The following RUNX1T1 variants were observed in gnomAD, a reference collection of about 807,000 sequenced individuals.
RUNX1T1 encodes the protein protein CBFA2T1.
In RUNX1T1, 4 loss-of-function variants were observed where a neutral mutation model predicts 62.8. That is an observed-to-expected ratio of 0.06 (90% CI 0.03 to 0.15). RUNX1T1 has a LOEUF of 0.15. Ranked by LOEUF, RUNX1T1 falls within the 10% of genes least tolerant of loss-of-function variation. The pLI is 1.00. For missense variants in RUNX1T1, 508 were observed against 754.3 expected (o/e 0.67, Z 3.82); for synonymous variants, 291 against 286.0 (o/e 1.02, Z -0.18).
intron 1 of RUNX1T1, among the ~76,000 whole-genome samples, chr8:92,058,894 T>C (rs1831457852): frequency 6.6e-6 from 1 of 152,194 alleles, no homozygotes; most frequent in Non-Finnish European, 1.5e-5. Flanking sequence ...AAGCTTAAGA[T>C]GTCATAACCA....
At chr8:92,082,419 C>T (rs1469200557) in intron 1 of RUNX1T1, among the ~76,000 whole-genome samples, 2 of 152,228 alleles carry the variant, frequency 1.3e-5, no homozygotes, top group Middle Eastern at 3.4e-3. Context: ...GTCATGTGCA[C>T]AGGGTCATCT....
chr8:92,074,598 T>C (rs966045544), intron 2 of RUNX1T1, among the ~76,000 whole-genome samples: 1 of 152,184 alleles, frequency 6.6e-6, no homozygotes, highest in African/African-American at 2.4e-5. Flanking sequence ...GGGATGGTTA[T>C]TATTATTAGA....
intron 1 of RUNX1T1, among the ~76,000 whole-genome samples, chr8:92,027,115 C>CAA (rs71563484): frequency 3.2e-4 from 24 of 74,074 alleles, no homozygotes; most frequent in East Asian, 5.5e-4. Flanking sequence ...AACTCCGTCT[C>CAA]AAAAAAAAAA....
chr8:91,962,861 G>A (rs571996364), intron 10 of RUNX1T1, among the ~76,000 whole-genome samples: 4 of 152,204 alleles, frequency 2.6e-5, no homozygotes, highest in Non-Finnish European at 5.9e-5. Context: ...ACCCTGGTGT[G>A]AGTCCTATCC....
At chr8:92,008,367 A>ATCTCTCTC (rs149208341) in intron 4 of RUNX1T1, among the ~76,000 whole-genome samples, 3 of 132,608 alleles carry the variant, frequency 2.3e-5, no homozygotes, top group South Asian at 2.6e-4. Flanking sequence ...GGTGCCACAT[A>ATCTCTCTC]TCTCTCTCTC....
intron 4 of RUNX1T1, among the ~76,000 whole-genome samples, chr8:92,007,227 A>C (rs1021441974): frequency 2.0e-5 from 3 of 152,170 alleles, no homozygotes; most frequent in Non-Finnish European, 4.4e-5. Context: ...GCACTTCCAG[A>C]GGCTGAGGTG....
At chr8:92,009,656 T>C (rs1258022970) in intron 4 of RUNX1T1, 1 of 151,372 alleles carries the variant, frequency 6.6e-6, no homozygotes, top group Non-Finnish European at 1.5e-5. Flanking sequence ...GGAAATGGCA[T>C]TCATATGATG....
At chr8:92,074,764 C>G (rs1400470242) in intron 2 of RUNX1T1, among the ~76,000 whole-genome samples, 2 of 152,174 alleles carry the variant, frequency 1.3e-5, no homozygotes, top group Non-Finnish European at 2.9e-5. Context: ...GTCTCAACTG[C>G]TTAAACAATT....
In RUNX1T1 at chr8:92,004,416, G is replaced by T. The variant is rs1820337861; in HGVS notation, c.659+700C>A. ...TATTCATAAAAATTATTTTACTACG[G>T]TAAATGGGAAATTTCATGTGTATGC... is the stretch of plus-strand genomic sequence containing the variant. On this transcript the variant is annotated intron_variant, in intron 5 of 10. Transcript: ENST00000396218. 1.3e-5 allele frequency: 2 copies of T among 152,130 alleles called. 1 individual carries two copies. The highest frequency in any genetic ancestry group is 1.3e-4 in the Admixed American group (2 of 15,280). The allele number at this position is 152,130 out of a possible 1,614,324, so 9.4% of individuals were successfully genotyped here.
chr8:92,017,460 A>C, intron 1 of RUNX1T1, 97 bp from the exon 3 acceptor site: 11 of 1,590,496 alleles, frequency 6.9e-6, no homozygotes, highest in Non-Finnish European at 6.9e-6. Flanking sequence ...AACAGAAGAA[A>C]TTCAACATCT....
chr8:91,959,470 A>ATATGTG (rs1563591324), exon 11 of RUNX1T1: 4 of 34,288 alleles, frequency 1.2e-4, no homozygotes, highest in African/African-American at 6.8e-4. Flanking sequence ...GTGTGTGTAT[A>ATATGTG]TGTGCGTGTG....
chr8:92,043,009 T>C (rs1469825289), intron 1 of RUNX1T1, among the ~76,000 whole-genome samples: 1 of 152,184 alleles, frequency 6.6e-6, no homozygotes, highest in Non-Finnish European at 1.5e-5. Flanking sequence ...CCCTAATTTG[T>C]TCATATCCAG....
chr8:92,017,786 G>T, intron 1 of RUNX1T1: 1 of 286,774 alleles, frequency 3.5e-6, no homozygotes, highest in Non-Finnish European at 5.7e-6. Context: ...ACTGGTAGGA[G>T]CCAGCTCTTT....
At chr8:92,019,779 A>G (rs890827037) in intron 1 of RUNX1T1, among the ~76,000 whole-genome samples, 2 of 152,152 alleles carry the variant, frequency 1.3e-5, no homozygotes, top group African/African-American at 4.8e-5. Flanking sequence ...CCAATTTTAG[A>G]AAGTTTTTGG....
At chr8:91,994,645 C>G (rs1472378024) in intron 5 of RUNX1T1, 1 of 502,514 alleles carries the variant, frequency 2.0e-6, no homozygotes, top group Admixed American at 2.3e-5. Context: ...AAGGGTTGGA[C>G]TAGATCAGTG....
At chr8:91,966,120 A>C (rs1811545682) in intron 10 of RUNX1T1, among the ~76,000 whole-genome samples, 1 of 147,894 alleles carries the variant, frequency 6.8e-6, no homozygotes, top group Non-Finnish European at 1.5e-5. Context: ...ATATATATTT[A>C]TAAAATATAT....
At chr8:91,970,931 ATTTT>A in intron 9 of RUNX1T1, 83 bp from the exon 11 acceptor site, 1 of 1,153,626 alleles carries the variant, frequency 8.7e-7, no homozygotes, top group Non-Finnish European at 1.1e-6. Flanking sequence ...TTTTCTTTTA[ATTTT>A]TTTTTTCTTT....
intron 5 of RUNX1T1, chr8:91,994,687 G>A: frequency 2.2e-6 from 1 of 463,248 alleles, no homozygotes; most frequent in Non-Finnish European, 4.3e-6. Context: ...AGGTGCTGAA[G>A]GTAGGCAATG....
intron 2 of RUNX1T1, 122 bp downstream of exon 3, chr8:92,017,104 T>C (rs1246475502): frequency 8.5e-6 from 6 of 704,314 alleles, no homozygotes; most frequent in Non-Finnish European, 1.4e-5. Flanking sequence ...ATGATTTTTT[T>C]TGGTTCATTT....
Sources: gnomAD v4.1 joint callset for allele counts (sites outside exome capture counted in the v4.1 genomes callset) on GRCh38, gnomAD v4.1.1 for gene constraint, MANE v1.5 for transcripts, NCBI Gene and HGNC (gene_info 2026-07-23, HGNC 2026-07-21) for gene names.